The following SLC2A13 variants were observed in gnomAD, a reference collection of about 807,000 sequenced individuals.
SLC2A13 encodes the protein proton myo-inositol cotransporter.
SLC2A13 carries 32 observed loss-of-function variants against 64.4 expected under a neutral mutation model. That is an observed-to-expected ratio of 0.50 (90% CI 0.37 to 0.67). The LOEUF is 0.67. Ranked by LOEUF, SLC2A13 falls within the 30% of genes least tolerant of loss-of-function variation. SLC2A13 has a pLI of 0.00. For missense variants in SLC2A13, 743 were observed against 829.2 expected, an observed-to-expected ratio of 0.90 and a Z score of 1.28; for synonymous variants, 338 against 327.1, an observed-to-expected ratio of 1.03 and a Z score of -0.36.
At chr12:39,941,134 T>C (rs965530765) in intron 4 of SLC2A13, among the ~76,000 whole-genome samples, 1 of 151,910 alleles carries the variant, frequency 6.6e-6, no homozygotes, top group Non-Finnish European at 1.5e-5. Flanking sequence ...TATATATATA[T>C]ATATATATAT....
chr12:39,792,630 G>T (rs1024690154), intron 7 of SLC2A13, among the ~76,000 whole-genome samples: 2 of 152,060 alleles, frequency 1.3e-5, no homozygotes, highest in Non-Finnish European at 2.9e-5. Flanking sequence ...GATCCCTGTG[G>T]ATACCAAAAC....
chr12:40,033,064 A>T (rs1947927957), intron 2 of SLC2A13, among the ~76,000 whole-genome samples: 1 of 152,184 alleles, frequency 6.6e-6, no homozygotes, highest in Non-Finnish European at 1.5e-5. Context: ...GTTAGGAAAC[A>T]TTTACTCCCA....
chr12:40,038,887 T>C (rs1339057081), intron 2 of SLC2A13, among the ~76,000 whole-genome samples: 2 of 152,178 alleles, frequency 1.3e-5, no homozygotes, highest in Non-Finnish European at 2.9e-5. Context: ...AATAGTATTG[T>C]ACTGCTTTTT....
chr12:39,946,961 T>C lies in SLC2A13; in HGVS notation c.1034+4296A>G, dbSNP rs138460112. Among the ~76,000 whole-genome samples, 630 of 152,254 alleles carry C rather than the reference T, an allele frequency of 4.1e-3. 2 individuals are homozygous for C. Among genetic ancestry groups the C allele is most frequent in the African/African-American group, 0.015 (605 of 41,550 alleles). ...TTTTACCCCCTGCTCCTCTGGCCACTCTCCTGATGGATCACTGTGGTGCCA... is the reference window on the plus strand; with the variant it reads ...TTTTACCCCCTGCTCCTCTGGCCACCCTCCTGATGGATCACTGTGGTGCCA... On this transcript the variant is annotated intron_variant, in intron 4 of 9. Transcript: ENST00000280871.
chr12:40,001,908 CATA>C (rs2136183097), intron 3 of SLC2A13, among the ~76,000 whole-genome samples: 1 of 152,144 alleles, frequency 6.6e-6, no homozygotes, highest in African/African-American at 2.4e-5. Flanking sequence ...ACTGGGTAAA[CATA>C]ATAAAGTTTC....
At chr12:40,056,966 C>T (rs1039180296) in intron 1 of SLC2A13, among the ~76,000 whole-genome samples, 2 of 150,518 alleles carry the variant, frequency 1.3e-5, no homozygotes, top group Admixed American at 1.3e-4. Flanking sequence ...GGTGACAGAG[C>T]GAGACTTCGT....
chr12:39,963,159 C>T (rs1044203754), intron 3 of SLC2A13, among the ~76,000 whole-genome samples: 12 of 151,784 alleles, frequency 7.9e-5, no homozygotes, highest in African/African-American at 1.9e-4. Flanking sequence ...TGGTGGCGGG[C>T]GCCTGTAGTC....
intron 7 of SLC2A13, among the ~76,000 whole-genome samples, chr12:39,772,836 A>C (rs985504153): frequency 1.2e-4 from 18 of 150,340 alleles, no homozygotes; most frequent in Admixed American, 6.7e-5. Context: ...CTGGCTATGC[A>C]CGTTTACATG....
chr12:39,907,023 G>C (rs1945304147), intron 4 of SLC2A13, among the ~76,000 whole-genome samples: 1 of 152,048 alleles, frequency 6.6e-6, no homozygotes, highest in Admixed American at 6.6e-5. Flanking sequence ...TTATTTATTA[G>C]AAGATACAAT....
chr12:39,882,790 A>AC (rs1315141599), intron 4 of SLC2A13, among the ~76,000 whole-genome samples: 6 of 152,192 alleles, frequency 3.9e-5, no homozygotes, highest in Admixed American at 2.0e-4. Context: ...TGCTAGAATT[A>AC]TTACTCTTTC....
chr12:39,933,576 T>C (rs892470340), intron 4 of SLC2A13, among the ~76,000 whole-genome samples: 2 of 152,190 alleles, frequency 1.3e-5, no homozygotes, highest in Admixed American at 1.3e-4. Flanking sequence ...TACATACTAC[T>C]TAACAGTAGT....
At position 39,790,142 on chromosome 12, in the gene SLC2A13, C is replaced by G. The variant is rs571211800; in HGVS notation, c.1446-25284G>C. 2.1e-5 allele frequency among the ~76,000 whole-genome samples: 3 copies of G among 145,228 alleles called. No individual in the cohort carries two copies. The East Asian group carries it at 6.0e-4, about 29-fold the overall frequency. On this transcript the variant is annotated intron_variant, in intron 7 of 9. Transcript: ENST00000280871. ...CTTTTGTGTTCTTTTTTTTTTTTGA[C>G]AGACTAAGGTTAATTTATCATTGAA... is the stretch of plus-strand genomic sequence containing the variant.
intron 5 of SLC2A13, among the ~76,000 whole-genome samples, chr12:39,869,564 A>G (rs1943991183): frequency 6.6e-6 from 1 of 152,222 alleles, no homozygotes; most frequent in African/African-American, 2.4e-5. Context: ...GGTGGGTTTC[A>G]GCTGCAAAGA....
At chr12:40,059,825 G>A (rs995902582) in intron 1 of SLC2A13, among the ~76,000 whole-genome samples, 5 of 152,154 alleles carry the variant, frequency 3.3e-5, no homozygotes, top group African/African-American at 4.8e-5. Flanking sequence ...TGACCCTTCT[G>A]TGTGGCATTC....
At chr12:40,090,125 AG>A (rs1434490094) in intron 1 of SLC2A13, among the ~76,000 whole-genome samples, 1 of 152,238 alleles carries the variant, frequency 6.6e-6, no homozygotes, top group Non-Finnish European at 1.5e-5. Context: ...CTTTATATGC[AG>A]AATTTTCCTA....
intron 6 of SLC2A13, among the ~76,000 whole-genome samples, chr12:39,846,191 A>T (rs1943306837): frequency 6.6e-6 from 1 of 152,150 alleles, no homozygotes; most frequent in African/African-American, 2.4e-5. Context: ...TGCTCTAGAA[A>T]AACCAAGGTG....
chr12:39,900,547 GACAA>G (rs1298199918), intron 4 of SLC2A13, among the ~76,000 whole-genome samples: 4 of 151,982 alleles, frequency 2.6e-5, no homozygotes, highest in South Asian at 2.1e-4. Context: ...ACCAATAACA[GACAA>G]ACAGAGAGCC....
intron 3 of SLC2A13, among the ~76,000 whole-genome samples, chr12:40,026,824 A>G (rs940012399): frequency 2.2e-4 from 33 of 152,260 alleles, no homozygotes; most frequent in African/African-American, 7.5e-4. Context: ...TCACGCCTGT[A>G]ATCCCAGTAC....
intron 1 of SLC2A13, chr12:40,068,710 A>G (rs900935506): frequency 2.0e-5 from 3 of 152,052 alleles, no homozygotes; most frequent in East Asian, 1.9e-4. Context: ...TTCACAGAAA[A>G]TTTAACCCTC....
Sources: gnomAD v4.1 joint callset for allele counts (sites outside exome capture counted in the v4.1 genomes callset) on GRCh38, gnomAD v4.1.1 for gene constraint, MANE v1.5 for transcripts, NCBI Gene and HGNC (gene_info 2026-07-23, HGNC 2026-07-21) for gene names.